The following BRF1 variants were observed in gnomAD, a reference collection of about 807,000 sequenced individuals.
The protein encoded by BRF1 is transcription factor IIIB 90 kDa subunit.
In BRF1, 59 loss-of-function variants were observed where a neutral mutation model predicts 81.7. That is an observed-to-expected ratio of 0.72 (90% confidence interval 0.59 to 0.90). The LOEUF (loss-of-function observed/expected upper bound fraction) is 0.90. BRF1 is among the 40% of genes least tolerant of loss of function. The pLI is 0.00. For synonymous variants in BRF1, 491 were observed against 395.6 expected, an observed-to-expected ratio of 1.24 and a Z score of -2.86; for missense variants, 1,050 against 936.3, an observed-to-expected ratio of 1.12 and a Z score of -1.58.
chr14:105,210,488 G>T lies in BRF1; in HGVS notation c.*63C>A. On this transcript the variant is annotated 3_prime_UTR_variant, in exon 18 of 18. Coordinates refer to ENST00000547530, the MANE Select transcript of BRF1 (RefSeq NM_001519.4). The surrounding 1 kb of genome is among the most constrained non-coding windows in gnomAD (Gnocchi z 4.7). Reference sequence around the variant, plus strand: ...CTGCCTGCTGCGGTCCTGGAAGCCCGTCTGATGCTGAGGAGACCCGCGAGG... The same window carrying T: ...CTGCCTGCTGCGGTCCTGGAAGCCCTTCTGATGCTGAGGAGACCCGCGAGG... The T allele has an allele frequency of 6.3e-7, 1 of 1,589,208 alleles. No homozygotes were observed. The highest frequency in any genetic ancestry group is 8.6e-7 in the Non-Finnish European group (1 of 1,169,416).
chr14:105,252,131 CT>C (rs1426841528), intron 5 of BRF1, among the ~76,000 whole-genome samples: 2 of 152,200 alleles, frequency 1.3e-5, no homozygotes, highest in East Asian at 3.9e-4. Flanking sequence ...CTGTCTACAC[CT>C]TCCTGCCACC....
chr14:105,221,267 T>C (rs1297332272), intron 11 of BRF1, among the ~76,000 whole-genome samples: 1 of 152,152 alleles, frequency 6.6e-6, no homozygotes, highest in Admixed American at 6.5e-5. Context: ...GCCTCGTCAT[T>C]GCCACGCCCA....
Position 105,210,209 on chromosome 14 carries a change from G to A in BRF1, c.*342C>T, listed in dbSNP as rs1039152824. On this transcript the variant is annotated 3_prime_UTR_variant, in exon 18 of 18. Transcript: ENST00000547530. This position sits in a 1 kb window ranked among gnomAD's most constrained non-coding sequence, Gnocchi z 4.7. ...AGCCCTCCACACACTTGGACCAGCA[G>A]TGGGGCTGCCCCAAGCCTGTTTCCT... 5.2e-5 allele frequency: 19 copies of A among 362,600 alleles called. No individual in the cohort carries two copies. The highest frequency in any genetic ancestry group is 8.3e-5 in the Non-Finnish European group (16 of 192,864). 22.5% of individuals were successfully genotyped at this position (362,600 alleles called of 1,614,324 possible). A position where few individuals can be genotyped will look rare whatever the true frequency, so the allele number is the denominator to read the frequency against.
At chr14:105,300,057 C>A (rs757807536) in intron 1 of BRF1, among the ~76,000 whole-genome samples, 2 of 152,246 alleles carry the variant, frequency 1.3e-5, no homozygotes, top group Non-Finnish European at 2.9e-5. Context: ...GGGCATCCGC[C>A]CGGTAACCAC....
chr14:105,295,594 C>A (rs1056287390), intron 1 of BRF1, among the ~76,000 whole-genome samples: 3 of 151,704 alleles, frequency 2.0e-5, no homozygotes, highest in Non-Finnish European at 4.4e-5. Flanking sequence ...CTGAGCAAGA[C>A]CCTAGACCCT....
chr14:105,227,913 T>C (rs924580527), intron 7 of BRF1: 2 of 152,232 alleles, frequency 1.3e-5, no homozygotes, highest in East Asian at 1.9e-4. Context: ...TTGTGATAAA[T>C]GTCACAGCAG....
intron 1 of BRF1, among the ~76,000 whole-genome samples, chr14:105,298,771 C>T (rs1008372028): frequency 4.6e-5 from 7 of 152,028 alleles, no homozygotes; most frequent in Non-Finnish European, 1.0e-4. Context: ...ACGAGAATCA[C>T]TTGAACCTGG....
intron 1 of BRF1, among the ~76,000 whole-genome samples, chr14:105,286,667 C>A (rs2057326746): frequency 6.6e-6 from 1 of 151,924 alleles, no homozygotes; most frequent in Non-Finnish European, 1.5e-5. Context: ...GTGCAGTGGT[C>A]CCATCTCCAC....
intron 3 of BRF1, among the ~76,000 whole-genome samples, chr14:105,270,854 G>A (rs2056623773): frequency 6.6e-6 from 1 of 151,664 alleles, no homozygotes; most frequent in Non-Finnish European, 1.5e-5. Context: ...CCTGGCCAGA[G>A]GCACCGTCAG....
At chr14:105,220,161 A>G (rs45584334) in intron 11 of BRF1, 31 bp from the exon 12 acceptor site, 485 of 1,612,566 alleles carry the variant, frequency 3.0e-4, no homozygotes, top group Non-Finnish European at 3.9e-4. Flanking sequence ...CGCGTCACTC[A>G]GGGCCAGCAC....
chr14:105,228,886 T>C lies in BRF1; in HGVS notation c.722A>G (p.Asp241Gly), dbSNP rs769736138. 1.9e-6 allele frequency: 3 copies of C among 1,613,720 alleles called. No homozygotes were observed. The highest frequency in any genetic ancestry group is 2.2e-5 in the East Asian group (1 of 44,886). The stretch of plus-strand genomic sequence containing the variant: ...GACCTCCTTCACAGTCCTCCTGAAG[T>C]CATGCATTCTGGCTGCAACCAGGAG... ...AALLVAARMH[D>G]FRRTVKEVIS... Residue 241 changes from aspartate (D) to glycine (G), a missense_variant, in exon 7 of 18, where the codon GAC (aspartate) becomes GGC (glycine). By Grantham distance (94) the Asp-to-Gly change is moderately conservative (BLOSUM62 -1). Transcript: ENST00000547530.
intron 3 of BRF1, among the ~76,000 whole-genome samples, chr14:105,270,396 C>T (rs587697797): frequency 1.4e-4 from 21 of 151,976 alleles, no homozygotes; most frequent in Non-Finnish European, 2.2e-4. Context: ...AGGATGGTCT[C>T]GATCTCCTGA....
rs1491499383 is a variant in BRF1, at chr14:105,271,173, GAT to G, written c.439+1546_439+1547del. Among the ~76,000 whole-genome samples the G allele has an allele frequency of 6.6e-6, 1 of 152,206 alleles. No homozygotes were observed. Among genetic ancestry groups the G allele is most frequent in the Non-Finnish European group, 1.5e-5 (1 of 68,046 alleles). On this transcript the variant is annotated intron_variant, in intron 3 of 17. Transcript: ENST00000547530. This position sits in a 1 kb window ranked among gnomAD's most constrained non-coding sequence, Gnocchi z 5.5. ...GATAGCCACGTGCAAAAAAGGATGA[GAT>G]AACACATGGGTTCAGTGTGGCAGGC...
intron 3 of BRF1, among the ~76,000 whole-genome samples, chr14:105,263,753 G>A (rs139756382): frequency 0.023 from 3,476 of 152,030 alleles, 90 homozygotes; most frequent in African/African-American, 0.063. Flanking sequence ...GCGAAACCCT[G>A]TCTCTACTAA....
At chr14:105,292,770 G>A (rs781360040) in intron 1 of BRF1, among the ~76,000 whole-genome samples, 2 of 151,378 alleles carry the variant, frequency 1.3e-5, no homozygotes, top group Non-Finnish European at 3.0e-5. Context: ...CCCCTTCCCA[G>A]GCGCAGACCC....
chr14:105,299,693 C>G (rs1046868284), intron 1 of BRF1, among the ~76,000 whole-genome samples: 2 of 152,222 alleles, frequency 1.3e-5, no homozygotes, highest in African/African-American at 4.8e-5. Flanking sequence ...CAGAATACCA[C>G]TATGATGAGA....
chr14:105,209,788 G>A lies in BRF1; in HGVS notation c.*763C>T, dbSNP rs1056167879. ...CTATGCTCAGGACGGGTGGGCGCCGGTCTCAGCTGTCGGGCACTCAGTTCA... is the reference window on the plus strand; with the variant it reads ...CTATGCTCAGGACGGGTGGGCGCCGATCTCAGCTGTCGGGCACTCAGTTCA... On this transcript the variant is annotated 3_prime_UTR_variant, in exon 18 of 18. Transcript: ENST00000547530. The A allele has an allele frequency of 3.8e-6, 2 of 530,428 alleles. No individual in the cohort carries two copies. The highest frequency in any genetic ancestry group is 5.2e-5 in the South Asian group (2 of 38,686). The allele number at this position is 530,428 out of a possible 1,614,324, so 32.9% of individuals were successfully genotyped here. A position where few individuals can be genotyped will look rare whatever the true frequency, so the allele number is the denominator to read the frequency against.
intron 15 of BRF1, among the ~76,000 whole-genome samples, chr14:105,215,520 G>C (rs753836838): frequency 6.6e-6 from 1 of 151,344 alleles, no homozygotes; most frequent in African/African-American, 2.4e-5. Flanking sequence ...CGTACTGTGT[G>C]CATACGCACT....
At chr14:105,248,589 G>GCGGT in intron 5 of BRF1, 1 of 251,518 alleles carries the variant, frequency 4.0e-6, no homozygotes, top group Non-Finnish European at 5.9e-6. Flanking sequence ...GGGCGGGCGG[G>GCGGT]ACGGCGCCCC....
Sources: allele counts gnomAD v4.1 joint callset (sites outside exome capture counted in the v4.1 genomes callset), GRCh38; gene constraint gnomAD v4.1.1; non-coding constraint Gnocchi (gnomAD v3.1); transcripts MANE v1.5; gene names NCBI Gene and HGNC (gene_info 2026-07-23, HGNC 2026-07-21).